MGA: variants seen among roughly 807,000 people sequenced by gnomAD.
MGA encodes the protein MAX dimerization protein MGA, also known as MAX gene-associated protein.
In MGA, 40 loss-of-function variants were observed where a neutral mutation model predicts 261.1. The ratio of observed to expected loss-of-function variants is 0.15; its 90% CI spans 0.12 to 0.20. The LOEUF (loss-of-function observed/expected upper bound fraction) is 0.20, where lower values mean the gene tolerates loss of function less well. Among genes scored for constraint, MGA ranks in the 10% least tolerant of loss-of-function variants. MGA has a pLI of 1.00. For missense variants in MGA, 3,397 were observed against 3,630.5 expected (o/e 0.94, Z 1.65); for synonymous variants, 1,302 against 1,290.6 (o/e 1.01, Z -0.19).
At chr15:41,625,720 T>C (rs1255786944) in intron 1 of MGA, among the ~76,000 whole-genome samples, 1 of 151,876 alleles carries the variant, frequency 6.6e-6, no homozygotes, top group Non-Finnish European at 1.5e-5. Context: ...AAAAAATAAA[T>C]AAATAAAAAT....
At chr15:41,699,461 C>T (rs940261852) in intron 5 of MGA, among the ~76,000 whole-genome samples, 5 of 151,908 alleles carry the variant, frequency 3.3e-5, no homozygotes, top group African/African-American at 1.2e-4. Flanking sequence ...CTCCCCTTCC[C>T]GTTTCTCATC....
intron 1 of MGA, chr15:41,621,709 T>TGGGGGGGGGGGAGGGGGG (rs2056291823): frequency 2.3e-5 from 1 of 42,582 alleles, no homozygotes; most frequent in African/African-American, 9.1e-5. Context: ...AAGGAGAGGG[T>TGGGGGGGGGGGAGGGGGG]GGCGGGGGCG....
Position 41,696,056 on chromosome 15 carries a change from T to C in MGA, c.1065-19T>C, listed in dbSNP as rs368474750. On this transcript the variant is annotated intron_variant, in intron 2 of 23. Coordinates refer to ENST00000219905, the MANE Select transcript of MGA (RefSeq NM_001164273.2). ...ATCATTTTGTACTTTTAAAATCCCT[T>C]TCTCCTCTCTCTCTCCAGTCTTATT... The C allele has an allele frequency of 6.5e-6, 10 of 1,535,456 alleles. No individual in the cohort carries two copies. The East Asian group carries it at 2.0e-4, about 31-fold the overall frequency.
At position 41,668,882 on chromosome 15, in the gene MGA, T is replaced by G. The variant is rs764894969; in HGVS notation, c.-13T>G. The G allele has an allele frequency of 3.0e-5, 46 of 1,534,242 alleles. No homozygotes were observed. Among genetic ancestry groups the G allele is most frequent in the Non-Finnish European group, 4.0e-5 (45 of 1,133,760 alleles). On this transcript the variant is annotated 5_prime_UTR_variant, in exon 2 of 24. Transcript: ENST00000219905. ...ATTACAGTTGTCTTACTACTGAGTT[T>G]CCTACTGAAATCATGGAGGAGAAAC...
chr15:41,733,807 AT>A (rs1324054615), intron 11 of MGA, among the ~76,000 whole-genome samples: 1 of 152,210 alleles, frequency 6.6e-6, no homozygotes, highest in Non-Finnish European at 1.5e-5. Context: ...GATTTGATAA[AT>A]TAAAAAGTAT....
rs1325673205 is a variant in MGA at position 41,669,550 on chromosome 15, A to G, written c.656A>G (p.Asn219Ser). ...AAGGCTGTGGAGGTGATACAATTAA[A>G]TGGCCCTGGTGTCCACACTTTTACC... Residue 219 changes from asparagine (N) to serine (S), a missense_variant, in exon 2 of 24, where the codon AAT becomes AGT. By Grantham distance (46) the Asn-to-Ser change is conservative. This residue lies in a region of MGA where 104 missense variants were observed against 212.9 expected (regional missense o/e 0.49). Coordinates refer to ENST00000219905, the MANE Select transcript of MGA (RefSeq NM_001164273.2). 1.9e-6 allele frequency: 3 copies of G among 1,613,898 alleles called. No homozygotes were observed. The highest frequency in any genetic ancestry group is 1.3e-5 in the African/African-American group (1 of 74,930).
Position 41,711,349 on chromosome 15 carries a change from A to C in MGA, c.3084A>C (p.Gln1028His). 1 of 1,586,296 alleles carries C rather than the reference A, an allele frequency of 6.3e-7. No individual in the cohort carries two copies. The stretch of plus-strand genomic sequence containing the variant: ...CCTTAACAACTCTACTTACAGCTCA[A>C]GTAAGTAGCTGCTGTTTTCTGGAGG... The change falls in exon 8 of 24, where the codon CAA (glutamine) becomes CAC (histidine). Residue 1028 changes from glutamine to histidine, a missense_variant and splice_region_variant. This residue lies in a region of MGA where 519 missense variants were observed against 554.1 expected (regional missense o/e 0.94). Coordinates refer to ENST00000219905, the MANE Select transcript of MGA (RefSeq NM_001164273.2).
At chr15:41,651,275 A>G (rs929349486) in intron 1 of MGA, among the ~76,000 whole-genome samples, 1 of 152,152 alleles carries the variant, frequency 6.6e-6, no homozygotes, top group Non-Finnish European at 1.5e-5. Flanking sequence ...ACAGATTCAG[A>G]CCATAGTACT....
intron 5 of MGA, among the ~76,000 whole-genome samples, chr15:41,703,090 C>A (rs2059931083): frequency 3.3e-5 from 5 of 152,052 alleles, no homozygotes; most frequent in Admixed American, 2.6e-4. Context: ...TTAGTTTTTA[C>A]CCAATGTCCT....
chr15:41,743,066 T>G lies in MGA; in HGVS notation c.5106T>G (p.Thr1702=). 6.2e-7 allele frequency: 1 copy of G among 1,614,028 alleles called. No homozygotes were observed. The highest frequency in any genetic ancestry group is 8.5e-7 in the Non-Finnish European group (1 of 1,179,888). ...CTTCCACCTCCTTAGTCGTGGTGAC[T>G]GCAGCTGCATCTTCCTCCATGGTGA... Residue 1702 remains threonine (T), a synonymous_variant, in exon 15 of 24, where the codon ACT becomes ACG. Coordinates refer to ENST00000219905, the MANE Select transcript of MGA (RefSeq NM_001164273.2).
intron 9 of MGA, among the ~76,000 whole-genome samples, chr15:41,721,718 A>T (rs1049218475): frequency 5.9e-5 from 9 of 152,202 alleles, no homozygotes; most frequent in African/African-American, 2.2e-4. Flanking sequence ...AACTATTGAT[A>T]AAGACAATGA....
In MGA at chr15:41,750,352, A is replaced by G. The variant is rs1302674653; in HGVS notation, c.6745A>G (p.Asn2249Asp). ...ATGTGATTCTTGGAGTAGGATTTCT[A>G]ATCCTTCAGCCTTCTCCATTGTTCC... The change falls in exon 17 of 24, where the codon AAT becomes GAT. Residue 2249 changes from asparagine to aspartate, a missense_variant. Around this residue, in one of 9 missense-constraint regions of MGA, gnomAD observed 1,410 missense variants for 1,386.4 expected, o/e 1.02. Coordinates refer to ENST00000219905, the MANE Select transcript of MGA (RefSeq NM_001164273.2). 6.2e-7 allele frequency: 1 copy of G among 1,614,002 alleles called. No homozygotes were observed.
chr15:41,751,027 T>C (rs188473347), intron 17 of MGA: 8 of 159,344 alleles, frequency 5.0e-5, no homozygotes, highest in African/African-American at 1.4e-4. Flanking sequence ...GGAGAACTTA[T>C]TCACTTGCAT....
At chr15:41,702,875 T>A (rs2059920113) in intron 5 of MGA, among the ~76,000 whole-genome samples, 1 of 152,196 alleles carries the variant, frequency 6.6e-6, no homozygotes, top group African/African-American at 2.4e-5. Context: ...TTATTAAAGC[T>A]TTATGTTTTG....
At chr15:41,719,808 T>G (rs1397608776) in intron 9 of MGA, among the ~76,000 whole-genome samples, 1 of 152,204 alleles carries the variant, frequency 6.6e-6, no homozygotes, top group Non-Finnish European at 1.5e-5. Flanking sequence ...TATGTCCATA[T>G]GTATAAAATA....
intron 9 of MGA, among the ~76,000 whole-genome samples, chr15:41,714,938 GC>G (rs1433937659): frequency 3.3e-5 from 5 of 151,912 alleles, no homozygotes; most frequent in African/African-American, 1.2e-4. Flanking sequence ...TCTGTAAATT[GC>G]CTTTTTGAAT....
chr15:41,738,651 A>G (rs117618307), intron 13 of MGA, among the ~76,000 whole-genome samples: 2,128 of 152,266 alleles, frequency 0.014, 34 homozygotes, highest in Non-Finnish European at 0.02. Context: ...AGGACTCACA[A>G]AGCCACCATA....
Position 41,767,052 on chromosome 15 carries a change from C to A in MGA, c.8970C>A (p.Ala2990=). 1.2e-6 allele frequency: 2 copies of A among 1,613,942 alleles called. No homozygotes were observed. The highest frequency in any genetic ancestry group is 1.7e-6 in the Non-Finnish European group (2 of 1,179,888). The change falls in exon 24 of 24, where the codon GCC becomes GCA. Residue 2990 remains alanine, a synonymous_variant. Transcript: ENST00000219905. Reference sequence around the variant, plus strand: ...TGTGGAGGCCTATGCCAAAGTTGGCCCCTCTAGGTTTAAAAGTAGCTAATC... The same window carrying A: ...TGTGGAGGCCTATGCCAAAGTTGGCACCTCTAGGTTTAAAAGTAGCTAATC...
At chr15:41,715,189 G>T (rs1178980943) in intron 9 of MGA, among the ~76,000 whole-genome samples, 2 of 130,764 alleles carry the variant, frequency 1.5e-5, no homozygotes, top group African/African-American at 5.7e-5. Context: ...TCACTCTGTT[G>T]CCCAGGCTGG....
Sources: gnomAD v4.1 joint callset for allele counts (sites outside exome capture counted in the v4.1 genomes callset) on GRCh38, gnomAD v4.1.1 for gene constraint, gnomAD v4.1.1 regional missense constraint, MANE v1.5 for transcripts, NCBI Gene and HGNC (gene_info 2026-07-23, HGNC 2026-07-21) for gene names.